MRPL21: variants seen among roughly 807,000 people sequenced by gnomAD.
The protein encoded by MRPL21 is large ribosomal subunit protein bL21m.
In MRPL21, 20 loss-of-function variants were observed where a neutral mutation model predicts 27.3. The observed-to-expected ratio is 0.73, with a 90% CI of 0.52 to 1.06. The LOEUF (loss-of-function observed/expected upper bound fraction) is 1.06, where lower values mean the gene tolerates loss of function less well. Ranked by LOEUF, MRPL21 falls within the 50% of genes least tolerant of loss-of-function variation. The pLI is 0.00. For synonymous variants in MRPL21, 98 were observed against 101.5 expected (o/e 0.97, Z 0.21); for missense variants, 249 against 251.4 (o/e 0.99, Z 0.06).
At chr11:68,897,318 A>G (rs542927127) in intron 3 of MRPL21, among the ~76,000 whole-genome samples, 1 of 152,304 alleles carries the variant, frequency 6.6e-6, no homozygotes, top group South Asian at 2.1e-4. Flanking sequence ...AGGGCGAGAC[A>G]CACAGAAGGG....
rs565231033 is a variant in MRPL21, at chr11:68,897,297, C to G, written c.233-619G>C. Among the ~76,000 whole-genome samples the G allele has an allele frequency of 9.2e-5, 14 of 152,258 alleles. No individual in the cohort carries two copies. The East Asian group carries it at 1.7e-3, about 19-fold the overall frequency. On this transcript the variant is annotated intron_variant, in intron 3 of 6. Coordinates refer to ENST00000362034, the MANE Select transcript of MRPL21 (RefSeq NM_181514.2). ...AAGCATTTAATGGGCACCGACCCCCCGGCCTGACCGAGGGCGAGACACACA... is the reference window on the plus strand; with the variant it reads ...AAGCATTTAATGGGCACCGACCCCCGGGCCTGACCGAGGGCGAGACACACA...
In MRPL21 at chr11:68,900,529, A is replaced by G. The variant is rs373501945; in HGVS notation, c.146+19T>C. 890 of 1,610,958 alleles carry G rather than the reference A, an allele frequency of 5.5e-4. No homozygotes were observed. Among genetic ancestry groups the G allele is most frequent in the Middle Eastern group, 6.6e-4 (4 of 6,052 alleles). Reference sequence around the variant, plus strand: ...AAATGAAAGGAAAAGAGGCACCAAAACCCACATTTTGATATTACCCTGGTA... The same window carrying G: ...AAATGAAAGGAAAAGAGGCACCAAAGCCCACATTTTGATATTACCCTGGTA... On this transcript the variant is annotated intron_variant, in intron 2 of 6. Coordinates refer to ENST00000362034, the MANE Select transcript of MRPL21 (RefSeq NM_181514.2).
At position 68,901,614 on chromosome 11, in the gene MRPL21, C is replaced by T. The variant is rs144506494; in HGVS notation, c.89-1009G>A. Among the ~76,000 whole-genome samples the T allele has an allele frequency of 6.2e-3, 948 of 152,314 alleles. 10 individuals are homozygous for T. Among genetic ancestry groups the T allele is most frequent in the African/African-American group, 0.022 (912 of 41,556 alleles). On this transcript the variant is annotated intron_variant, in intron 1 of 6. Transcript: ENST00000362034. The stretch of plus-strand genomic sequence containing the variant: ...CCTCGGCTGCTTTCTCCTCTCCTCT[C>T]CCATTTGGGCATCCGGGGCTCAACC...
chr11:68,900,694 C>CT, intron 1 of MRPL21, 89 bp from the exon 2 acceptor site: 1 of 1,182,174 alleles, frequency 8.5e-7, no homozygotes. Context: ...GCTGCTGCTC[C>CT]TGGTACATGG....
chr11:68,901,151 A>T (rs545393674), intron 1 of MRPL21, among the ~76,000 whole-genome samples: 22 of 152,226 alleles, frequency 1.4e-4, no homozygotes, highest in African/African-American at 5.3e-4. Context: ...ATGGCGGGGA[A>T]CTAGGCCTAT....
chr11:68,902,886 G>C (rs1055675798), intron 1 of MRPL21, among the ~76,000 whole-genome samples: 1 of 151,316 alleles, frequency 6.6e-6, no homozygotes, highest in African/African-American at 2.4e-5. Flanking sequence ...GTCATAGTGG[G>C]AAACATACAA....
Position 68,897,969 on chromosome 11 carries a change from C to A in MRPL21, c.190G>T (p.Val64Phe). 2.5e-6 allele frequency: 4 copies of A among 1,614,194 alleles called. No homozygotes were observed. The highest frequency in any genetic ancestry group is 3.4e-6 in the Non-Finnish European group (4 of 1,180,022). Reference sequence around the variant, plus strand: ...TCCTCAACTGGGTCTGGCAGAACAACTTCTGGCCAAGGTGGTGAACTCAGG... The same window carrying A: ...TCCTCAACTGGGTCTGGCAGAACAAATTCTGGCCAAGGTGGTGAACTCAGG... ...TSLSSPPWPEVVLPDPVEETR... is the reference protein window; with the variant it reads ...TSLSSPPWPEFVLPDPVEETR... Residue 64 changes from valine (V) to phenylalanine (F), a missense_variant, in exon 3 of 7, where the codon GTT (valine) becomes TTT (phenylalanine). By Grantham distance (50) the Val-to-Phe change is conservative (BLOSUM62 -1). Coordinates refer to ENST00000362034, the MANE Select transcript of MRPL21 (RefSeq NM_181514.2).
chr11:68,901,104 G>A (rs1439341828), intron 1 of MRPL21, among the ~76,000 whole-genome samples: 2 of 151,812 alleles, frequency 1.3e-5, no homozygotes, highest in African/African-American at 4.9e-5. Context: ...TGGCCTTAGG[G>A]CTGCCCTGCT....
chr11:68,896,655 T>C lies in MRPL21; in HGVS notation c.256A>G (p.Met86Val). The change falls in exon 4 of 7, where the codon ATG becomes GTG. Residue 86 changes from methionine (M) to valine (V), a missense_variant. Met to Val is a conservative substitution (Grantham distance 21). Transcript: ENST00000362034. ...CTGCCATACTGCCCCGTGACGATCA[T>C]CTCATTCACCTTCTTCACGACCTCT... ...HAEVVKKVNE[M>V]IVTGQYGRLF... The C allele has an allele frequency of 1.2e-6, 2 of 1,614,112 alleles. No homozygotes were observed. The highest frequency in any genetic ancestry group is 1.7e-6 in the Non-Finnish European group (2 of 1,180,012).
Position 68,896,675 on chromosome 11 carries a change from A to G in MRPL21, c.236T>C (p.Val79Ala). ...PVEETRHHAEVVKKVNEMIVT... is the reference protein window; with the variant it reads ...PVEETRHHAEAVKKVNEMIVT... ...GATCATCTCATTCACCTTCTTCACG[A>G]CCTCTGCAGGGGAAGGCGGGTGGGT... Residue 79 changes from valine to alanine, a missense_variant, in exon 4 of 7, where the codon GTC becomes GCC. Val to Ala is a moderately conservative substitution (Grantham distance 64). Transcript: ENST00000362034. The G allele has an allele frequency of 6.2e-7, 1 of 1,613,690 alleles. No homozygotes were observed. Among genetic ancestry groups the G allele is most frequent in the Non-Finnish European group, 8.5e-7 (1 of 1,179,936 alleles).
chr11:68,897,941 G>T lies in MRPL21; in HGVS notation c.218C>A (p.Thr73Asn). ...GGAGGTCTTACCTGCATGGTGTCTGGTCTCCTCAACTGGGTCTGGCAGAAC... is the reference window on the plus strand; with the variant it reads ...GGAGGTCTTACCTGCATGGTGTCTGTTCTCCTCAACTGGGTCTGGCAGAAC... The part of the protein sequence containing the change: ...EVVLPDPVEE[T>N]RHHAEVVKKV... Residue 73 changes from threonine to asparagine, a missense_variant, in exon 3 of 7, where the codon ACC (threonine) becomes AAC (asparagine). Physicochemically the swap from Thr to Asn is moderately conservative, Grantham distance 65. Transcript: ENST00000362034. 6.2e-7 allele frequency: 1 copy of T among 1,614,090 alleles called. No homozygotes were observed. The highest frequency in any genetic ancestry group is 8.5e-7 in the Non-Finnish European group (1 of 1,179,954).
At chr11:68,897,442 A>G (rs925660290) in intron 3 of MRPL21, among the ~76,000 whole-genome samples, 1 of 152,212 alleles carries the variant, frequency 6.6e-6, no homozygotes, top group Non-Finnish European at 1.5e-5. Context: ...TATTTAACAT[A>G]TAAGAAGATT....
chr11:68,893,510 A>G, intron 4 of MRPL21, 55 bp from the exon 5 acceptor site: 1 of 1,609,546 alleles, frequency 6.2e-7, no homozygotes, highest in South Asian at 1.1e-5. Context: ...GAGTAAGAAC[A>G]GTTGCTAATA....
Position 68,900,589 on chromosome 11 carries a change from A to G in MRPL21, c.105T>C (p.Ala35=), listed in dbSNP as rs771141783. 6.2e-7 allele frequency: 1 copy of G among 1,613,740 alleles called. No homozygotes were observed. The highest frequency in any genetic ancestry group is 8.5e-7 in the Non-Finnish European group (1 of 1,179,638). The change falls in exon 2 of 7, where the codon GCT becomes GCC. Residue 35 remains alanine (A), a synonymous_variant. Transcript: ENST00000362034. ...TGCTCTGTGAATTGAACCTTCGAGA[A>G]GCAGACCAAAGGGAGGCTGAGGGAA... The part of the protein sequence containing the change: ...SGPGAASLWS[A]SRRFNSQSTS...
chr11:68,896,777 C>T, intron 3 of MRPL21, 99 bp from the exon 4 acceptor site: 1 of 1,511,786 alleles, frequency 6.6e-7, no homozygotes, highest in East Asian at 2.3e-5. Context: ...CTAGGGTGGA[C>T]CTGACAGCCA....
At position 68,897,962 on chromosome 11, in the gene MRPL21, A is replaced by C; in HGVS notation, c.197T>G (p.Leu66Arg). 1 of 1,614,208 alleles carries C rather than the reference A, an allele frequency of 6.2e-7. No individual in the cohort carries two copies. Among genetic ancestry groups the C allele is most frequent in the Non-Finnish European group, 8.5e-7 (1 of 1,180,024 alleles). Residue 66 changes from leucine (L) to arginine (R), a missense_variant, in exon 3 of 7, where the codon CTG becomes CGG. Coordinates refer to ENST00000362034, the MANE Select transcript of MRPL21 (RefSeq NM_181514.2). ...LSSPPWPEVV[L>R]PDPVEETRHH... ...TCTGGTCTCCTCAACTGGGTCTGGC[A>C]GAACAACTTCTGGCCAAGGTGGTGA... is the stretch of plus-strand genomic sequence containing the variant.
intron 1 of MRPL21, among the ~76,000 whole-genome samples, chr11:68,901,188 C>A (rs1373883481): frequency 6.6e-6 from 1 of 152,198 alleles, no homozygotes; most frequent in Non-Finnish European, 1.5e-5. Context: ...AACGACCTTG[C>A]AGGTAGATTC....
rs896146449 is a variant in MRPL21 at position 68,891,999 on chromosome 11, G to C, written c.554-604C>G. 5.2e-5 allele frequency: 52 copies of C among 1,001,462 alleles called. 1 individual carries two copies. The highest frequency in any genetic ancestry group is 6.6e-5 in the Non-Finnish European group (49 of 744,082). 62.0% of individuals were successfully genotyped at this position (1,001,462 alleles called of 1,614,324 possible). ...TACACCTGCTTGCGGATTCACTGCT[G>C]CTTTGGGGACAGTGCTAGGCGTCAT... is the stretch of plus-strand genomic sequence containing the variant. On this transcript the variant is annotated intron_variant, in intron 6 of 6. Transcript: ENST00000362034.
chr11:68,893,764 G>A (rs923835016), intron 4 of MRPL21, among the ~76,000 whole-genome samples: 11 of 152,094 alleles, frequency 7.2e-5, no homozygotes, highest in African/African-American at 7.2e-5. Context: ...TCATACCAAC[G>A]GTGACTTCAA....
Sources: gnomAD v4.1 joint callset for allele counts (sites outside exome capture counted in the v4.1 genomes callset) on GRCh38, gnomAD v4.1.1 for gene constraint, MANE v1.5 for transcripts, NCBI Gene and HGNC (gene_info 2026-07-23, HGNC 2026-07-21) for gene names.